The following STMN2 variants were observed in gnomAD, a reference collection of about 807,000 sequenced individuals.
STMN2 encodes the protein stathmin-2.
Under a neutral mutation model 24.1 loss-of-function variants are expected in STMN2, and 2 were observed. The observed-to-expected ratio is 0.08, with a 90% CI of 0.03 to 0.26. The LOEUF (loss-of-function observed/expected upper bound fraction) is 0.26. STMN2 is among the 10% of genes least tolerant of loss of function. The probability of loss-of-function intolerance (pLI) is 1.00; values close to 1 mark genes in which losing one functional copy is unlikely to be tolerated. For synonymous variants in STMN2, 83 were observed against 77.5 expected (o/e 1.07, Z -0.37); for missense variants, 114 against 213.6 (o/e 0.53, Z 2.91).
At chr8:79,622,854 C>A (rs534452637) in intron 1 of STMN2, among the ~76,000 whole-genome samples, 1 of 152,140 alleles carries the variant, frequency 6.6e-6, no homozygotes, top group South Asian at 2.1e-4. Context: ...CACACGTACA[C>A]GCACGCATGC....
intron 1 of STMN2, among the ~76,000 whole-genome samples, chr8:79,635,465 T>C (rs957235396): frequency 2.6e-5 from 4 of 152,248 alleles, no homozygotes; most frequent in African/African-American, 9.6e-5. Flanking sequence ...TGTATGTTCA[T>C]GGCAGCACTA....
At chr8:79,657,741 T>C (rs956613909) in intron 4 of STMN2, among the ~76,000 whole-genome samples, 2 of 152,262 alleles carry the variant, frequency 1.3e-5, no homozygotes, top group African/African-American at 2.4e-5. Context: ...CCATATTTAC[T>C]TTGATTTGAT....
intron 3 of STMN2, among the ~76,000 whole-genome samples, chr8:79,643,149 G>GTGTGTATATATATATATATATA (rs764308760): frequency 3.6e-5 from 5 of 140,108 alleles, no homozygotes; most frequent in African/African-American, 1.3e-4. Context: ...ATGTGTGTGT[G>GTGTGTATATATATATATATATA]TATATATATA....
intron 2 of STMN2, among the ~76,000 whole-genome samples, chr8:79,639,622 A>C (rs1484788185): frequency 6.6e-6 from 1 of 152,228 alleles, no homozygotes; most frequent in Non-Finnish European, 1.5e-5. Flanking sequence ...CTTAAAACAT[A>C]AGGGTCTGAT....
At chr8:79,646,664 C>G (rs987668503) in intron 3 of STMN2, among the ~76,000 whole-genome samples, 2 of 152,028 alleles carry the variant, frequency 1.3e-5, no homozygotes, top group Non-Finnish European at 2.9e-5. Flanking sequence ...GTGGTAGCAA[C>G]TGAAGTCAGA....
intron 1 of STMN2, among the ~76,000 whole-genome samples, chr8:79,619,327 A>C (rs1317042029): frequency 6.6e-6 from 1 of 152,186 alleles, no homozygotes; most frequent in African/African-American, 2.4e-5. Context: ...AGCATGTTAA[A>C]GTGTAAATTA....
chr8:79,619,890 G>T (rs1267758512), intron 1 of STMN2, among the ~76,000 whole-genome samples: 5 of 151,722 alleles, frequency 3.3e-5, no homozygotes, highest in Non-Finnish European at 7.4e-5. Flanking sequence ...TATTTCTGAT[G>T]ATTTTTTTCT....
chr8:79,655,789 A>G (rs1022623008), intron 4 of STMN2, among the ~76,000 whole-genome samples: 1 of 152,214 alleles, frequency 6.6e-6, no homozygotes, highest in African/African-American at 2.4e-5. Context: ...TATACAGTAT[A>G]GCTGTGAGTA....
rs75623678 is a variant in STMN2, at chr8:79,640,997, G to A, written c.116-381G>A. ...CTAACCAAAAAGGGCCTACAGCTACGATAATTTCCAAACAAATAAATCTGT... is the reference window on the plus strand; with the variant it reads ...CTAACCAAAAAGGGCCTACAGCTACAATAATTTCCAAACAAATAAATCTGT... On this transcript the variant is annotated intron_variant, in intron 2 of 4. Transcript: ENST00000220876. Among the ~76,000 whole-genome samples, 789 of 152,274 alleles carry A rather than the reference G, an allele frequency of 5.2e-3. 10 individuals are homozygous for A. The highest frequency in any genetic ancestry group is 0.018 in the African/African-American group (759 of 41,538).
At chr8:79,656,512 T>C (rs1269019946) in intron 4 of STMN2, among the ~76,000 whole-genome samples, 1 of 152,210 alleles carries the variant, frequency 6.6e-6, no homozygotes, top group Non-Finnish European at 1.5e-5. Flanking sequence ...TTTACTCAGA[T>C]ACAGGGGAGC....
chr8:79,613,566 C>CTAG lies in STMN2; in HGVS notation c.19+2354_19+2356dup, dbSNP rs1306554100. 3.0e-6 allele frequency: 3 copies of CTAG among 985,342 alleles called. No homozygotes were observed. In the African/African-American group the frequency reaches 5.2e-5, roughly 17 times the overall value. 61.0% of individuals were successfully genotyped at this position (985,342 alleles called of 1,614,324 possible). On this transcript the variant is annotated intron_variant, in intron 1 of 4. Coordinates refer to ENST00000220876, the MANE Select transcript of STMN2 (RefSeq NM_007029.4). ...CCCTCAGAAAGGTTTCCGCTGCAGGCTAGTGGCTGCAAACTCATCGTCATC... is the reference window on the plus strand; with the variant it reads ...CCCTCAGAAAGGTTTCCGCTGCAGGCTAGTAGTGGCTGCAAACTCATCGTCATC...
chr8:79,649,855 T>C (rs1191018265), intron 3 of STMN2, among the ~76,000 whole-genome samples: 1 of 152,244 alleles, frequency 6.6e-6, no homozygotes, highest in East Asian at 1.9e-4. Context: ...CTCAGTAATA[T>C]ACAAATTGGT....
At chr8:79,647,869 A>G (rs547745216) in intron 3 of STMN2, among the ~76,000 whole-genome samples, 2 of 152,350 alleles carry the variant, frequency 1.3e-5, no homozygotes, top group Non-Finnish European at 2.9e-5. Flanking sequence ...GTGAAATGAC[A>G]TGAATGCTTT....
At chr8:79,632,710 A>G (rs1286987229) in intron 1 of STMN2, among the ~76,000 whole-genome samples, 1 of 152,262 alleles carries the variant, frequency 6.6e-6, no homozygotes, top group African/African-American at 2.4e-5. Context: ...GTGATCAGGA[A>G]GACTAATACA....
intron 4 of STMN2, among the ~76,000 whole-genome samples, chr8:79,655,750 A>G (rs1012692308): frequency 1.3e-5 from 2 of 152,208 alleles, no homozygotes; most frequent in African/African-American, 4.8e-5. Context: ...TCTCCCACCT[A>G]TCCCCTCAAA....
At position 79,611,143 on chromosome 8, in the gene STMN2, C is replaced by T. The variant is rs1809208422; in HGVS notation, c.-53C>T. 2 of 1,613,116 alleles carry T rather than the reference C, an allele frequency of 1.2e-6. No homozygotes were observed. The highest frequency in any genetic ancestry group is 1.7e-6 in the Non-Finnish European group (2 of 1,179,580). ...GTCTTCTCTCTCGCTCTCTCCGCTG[C>T]TGTAGCCGGACCCTTTGCCTTCGCC... On this transcript the variant is annotated 5_prime_UTR_variant, in exon 1 of 5. Coordinates refer to ENST00000220876, the MANE Select transcript of STMN2 (RefSeq NM_007029.4).
At chr8:79,612,310 C>T (rs1240774284) in intron 1 of STMN2, among the ~76,000 whole-genome samples, 3 of 152,184 alleles carry the variant, frequency 2.0e-5, no homozygotes, top group African/African-American at 2.4e-5. Flanking sequence ...TTTTCGGAAG[C>T]AAATTACATA....
chr8:79,650,880 A>G (rs575980826), intron 3 of STMN2, among the ~76,000 whole-genome samples: 23 of 152,172 alleles, frequency 1.5e-4, no homozygotes, highest in Non-Finnish European at 2.8e-4. Context: ...TTGAGGCTAT[A>G]GTAAACTAAG....
intron 2 of STMN2, among the ~76,000 whole-genome samples, chr8:79,637,612 C>T (rs973631477): frequency 7.2e-5 from 11 of 152,136 alleles, no homozygotes; most frequent in African/African-American, 1.4e-4. Flanking sequence ...GAGGTTTAAA[C>T]GGTTTAATGT....
Sources: allele counts gnomAD v4.1 joint callset (sites outside exome capture counted in the v4.1 genomes callset), GRCh38; gene constraint gnomAD v4.1.1; transcripts MANE v1.5; gene names NCBI Gene and HGNC (gene_info 2026-07-23, HGNC 2026-07-21).